Variants in PLCZ1 observed in about 807,000 individuals in gnomAD.
PLCZ1 encodes phospholipase C zeta 1.
PLCZ1 carries 64 observed loss-of-function variants against 76.8 expected under a neutral mutation model. The ratio of observed to expected loss-of-function variants is 0.83; its 90% CI spans 0.68 to 1.03. PLCZ1 has a LOEUF of 1.03. Among genes scored for constraint, PLCZ1 ranks in the 50% least tolerant of loss-of-function variants. PLCZ1 has a pLI of 0.00. For missense variants in PLCZ1, 751 were observed against 713.7 expected (o/e 1.05, Z -0.60); for synonymous variants, 248 against 230.8 (o/e 1.07, Z -0.68).
chr12:18,717,762 A>T (rs1281950678), intron 5 of PLCZ1, among the ~76,000 whole-genome samples: 2 of 152,064 alleles, frequency 1.3e-5, no homozygotes, highest in Non-Finnish European at 2.9e-5. Flanking sequence ...TCTTCAAAAC[A>T]CCTGGTAAGT....
chr12:18,737,288 A>C, intron 2 of PLCZ1, 73 bp downstream of exon 2: 3 of 1,515,332 alleles, frequency 2.0e-6, no homozygotes, highest in Non-Finnish European at 2.8e-6. Context: ...CCTCGAAAAG[A>C]ATAACAGCAT....
chr12:18,730,860 A>G (rs1959008766), intron 3 of PLCZ1: 1 of 152,222 alleles, frequency 6.6e-6, no homozygotes, highest in South Asian at 2.1e-4. Context: ...GTAAATTTTA[A>G]TAAATCGAGA....
chr12:18,650,702 GTGTATATATCTA>G, the PLCZ1 span, among the ~76,000 whole-genome samples: 53 of 27,690 alleles, frequency 1.9e-3, 1 homozygote, highest in Non-Finnish European at 3.5e-3. Context: ...GTGTGTGTGT[GTGTATATATCTA>G]TATATATATA....
At chr12:18,670,794 T>A in the PLCZ1 span, among the ~76,000 whole-genome samples, 3 of 152,206 alleles carry the variant, frequency 2.0e-5, no homozygotes, top group Non-Finnish European at 4.4e-5. Flanking sequence ...GAATAACCAA[T>A]GTTTACATTG....
chr12:18,718,353 C>G (rs957148892), intron 5 of PLCZ1, among the ~76,000 whole-genome samples: 2 of 152,088 alleles, frequency 1.3e-5, no homozygotes, highest in Non-Finnish European at 2.9e-5. Context: ...TCAGTCATTC[C>G]TCCACATTAT....
At position 18,736,792 on chromosome 12, in the gene PLCZ1, C is replaced by T. The variant is rs996479183; in HGVS notation, c.12-448G>A. 27 of 692,164 alleles carry T rather than the reference C, an allele frequency of 3.9e-5. 1 individual carries two copies. The highest frequency in any genetic ancestry group is 2.2e-4 in the African/African-American group (12 of 54,406). The allele number at this position is 692,164 out of a possible 1,614,324, so 42.9% of individuals were successfully genotyped here. On this transcript the variant is annotated intron_variant, in intron 2 of 14. Coordinates refer to ENST00000266505, the MANE Select transcript of PLCZ1 (RefSeq NM_033123.4). ...ATTAGATGAATTCCTAATATGCCACCGAACACAGTTTCTGCTACTTAGTGT... is the reference window on the plus strand; with the variant it reads ...ATTAGATGAATTCCTAATATGCCACTGAACACAGTTTCTGCTACTTAGTGT...
At chr12:18,698,324 T>C (rs932558398) in intron 10 of PLCZ1, among the ~76,000 whole-genome samples, 1 of 152,024 alleles carries the variant, frequency 6.6e-6, no homozygotes, top group African/African-American at 2.4e-5. Flanking sequence ...TCCATTCTAC[T>C]CTATACTACT....
intron 3 of PLCZ1, among the ~76,000 whole-genome samples, chr12:18,726,153 T>C (rs758745667): frequency 1.1e-4 from 16 of 152,106 alleles, no homozygotes; most frequent in Admixed American, 3.3e-4. Flanking sequence ...ATAAAGGAAT[T>C]AAGTATCTCC....
rs771376751 is a variant in PLCZ1, at chr12:18,694,897, T to G, written c.1461+13A>C. 8 of 1,563,412 alleles carry G rather than the reference T, an allele frequency of 5.1e-6. No individual in the cohort carries two copies. In the South Asian group the frequency reaches 8.0e-5, roughly 16 times the overall value. On this transcript the variant is annotated intron_variant, in intron 12 of 14. Transcript: ENST00000266505. ...ATAACCAAAAAATGTAAAAGAAAAT[T>G]TATTAATCTTACCCTTATTGTAAGT...
At chr12:18,693,666 C>T (rs1242822638) in intron 12 of PLCZ1, 1 of 1,566,246 alleles carries the variant, frequency 6.4e-7, no homozygotes, top group Non-Finnish European at 8.8e-7. Context: ...AGATATGACT[C>T]CAATTCTGGT....
At chr12:18,701,606 A>ATCATCCTCC in intron 8 of PLCZ1, 38 bp from the exon 9 acceptor site, 1 of 1,523,292 alleles carries the variant, frequency 6.6e-7, no homozygotes, top group South Asian at 1.2e-5. Context: ...CTTTGAATTT[A>ATCATCCTCC]TCCTCCTCCT....
At chr12:18,726,112 G>C (rs775265441) in intron 3 of PLCZ1, among the ~76,000 whole-genome samples, 9 of 152,070 alleles carry the variant, frequency 5.9e-5, no homozygotes, top group Admixed American at 2.0e-4. Context: ...TTATGAAACT[G>C]ATGAAATAAG....
At chr12:18,726,924 C>T (rs1390798669) in intron 3 of PLCZ1, among the ~76,000 whole-genome samples, 3 of 152,068 alleles carry the variant, frequency 2.0e-5, no homozygotes, top group East Asian at 3.9e-4. Context: ...CCCTTTCCTC[C>T]TTACCAAATA....
chr12:18,656,972 C>T, the PLCZ1 span, among the ~76,000 whole-genome samples: 11 of 152,130 alleles, frequency 7.2e-5, no homozygotes, highest in Non-Finnish European at 2.9e-5. Context: ...CAGCAGCTCA[C>T]ATTTTTTGTA....
the PLCZ1 span, among the ~76,000 whole-genome samples, chr12:18,674,846 G>A: frequency 3.9e-5 from 6 of 152,090 alleles, no homozygotes; most frequent in South Asian, 4.1e-4. Flanking sequence ...GCTCTTGTCC[G>A]CTTAGAACAC....
chr12:18,685,763 C>T (rs1953017069), intron 13 of PLCZ1: 2 of 395,328 alleles, frequency 5.1e-6, no homozygotes, highest in Non-Finnish European at 1.0e-5. Context: ...TTTCTTCTTC[C>T]TCCAATCCTA....
chr12:18,659,663 C>CTTTTTTTTTTTTTTTTTTTTTTTTTT, the PLCZ1 span, among the ~76,000 whole-genome samples: 3 of 133,826 alleles, frequency 2.2e-5, 1 homozygote, highest in Non-Finnish European at 1.6e-5. Context: ...GTTCTCCATT[C>CTTTTTTTTTTTTTTTTTTTTTTTTTT]TTTTTTTTTT....
chr12:18,665,959 C>T, the PLCZ1 span, among the ~76,000 whole-genome samples: 101 of 149,372 alleles, frequency 6.8e-4, no homozygotes, highest in Non-Finnish European at 1.2e-3. Flanking sequence ...ACTAGTTGGG[C>T]GTGGTGGTGC....
the PLCZ1 span, chr12:18,648,177 GT>G: frequency 1.2e-5 from 5 of 401,030 alleles, no homozygotes; most frequent in Admixed American, 2.2e-4. Context: ...AGTCTTTTGT[GT>G]TGTTTATTTT....
Sources: gnomAD v4.1 joint callset for allele counts (sites outside exome capture counted in the v4.1 genomes callset) on GRCh38, gnomAD v4.1.1 for gene constraint, MANE v1.5 for transcripts, NCBI Gene and HGNC (gene_info 2026-07-23, HGNC 2026-07-21) for gene names.